ADGRG4: variants seen among roughly 807,000 people sequenced by gnomAD.
The protein encoded by ADGRG4 is G protein-coupled receptor 112.
Under a neutral mutation model 126.2 loss-of-function variants are expected in ADGRG4, and 122 were observed. The observed-to-expected ratio is 0.97, with a 90% CI of 0.83 to 1.12. The LOEUF (loss-of-function observed/expected upper bound fraction) is 1.12. ADGRG4 is among the 50% of genes most tolerant of loss of function. ADGRG4 has a pLI of 0.00. For missense variants in ADGRG4, 2,481 were observed against 2,251.8 expected (o/e 1.10, Z -2.06); for synonymous variants, 943 against 838.7 (o/e 1.12, Z -2.15).
chrX:136,407,203 C>T (rs1410885406), intron 23 of ADGRG4, among the ~76,000 whole-genome samples: 1 of 110,714 alleles, frequency 9.0e-6, no homozygotes, highest in Non-Finnish European at 1.9e-5. Context: ...CATACTGAAG[C>T]CCACTGATGG....
rs151055456 is a variant in ADGRG4, at chrX:136,403,675, C to T, written c.8654+353C>T. ...GCAGGTATTATGATTACAAAGCTCA[C>T]ACATCAGGTCATTGCAAAGAGTTAG... On this transcript the variant is annotated intron_variant, in intron 22 of 25. Coordinates refer to ENST00000394143, the MANE Select transcript of ADGRG4 (RefSeq NM_153834.4). Among the ~76,000 whole-genome samples, 84 of 112,391 alleles carry T rather than the reference C, an allele frequency of 7.5e-4. 3 individuals carry two copies. In the East Asian group the frequency reaches 0.021, roughly 28 times the overall value.
In ADGRG4 at chrX:136,349,884, C is replaced by G; in HGVS notation, c.6178C>G (p.Pro2060Ala). The G allele has an allele frequency of 8.3e-7, 1 of 1,210,358 alleles. No individual in the cohort carries two copies. Among genetic ancestry groups the G allele is most frequent in the Non-Finnish European group, 1.1e-6 (1 of 894,390 alleles). The change falls in exon 6 of 26, where the codon CCC becomes GCC. Residue 2060 changes from proline to alanine, a missense_variant. Physicochemically the swap from Pro to Ala is conservative, Grantham distance 27. Coordinates refer to ENST00000394143, the MANE Select transcript of ADGRG4 (RefSeq NM_153834.4). ...AHPFTNLTTL[P>A]SATMSTILTR... ...CCCATTCACTAACTTGACAACACTA[C>G]CCTCTGCTACTATGAGCACCATACT...
intron 15 of ADGRG4, among the ~76,000 whole-genome samples, chrX:136,379,990 T>A (rs181761052): frequency 8.9e-6 from 1 of 111,946 alleles, no homozygotes; most frequent in Admixed American, 9.5e-5. Flanking sequence ...TTGTATGTAT[T>A]TACCACACTT....
chrX:136,320,875 T>A lies in ADGRG4; in HGVS notation c.71-1903T>A, dbSNP rs1205054734. The stretch of plus-strand genomic sequence containing the variant: ...TCAAGGCTGCAGTGAACCATGTTCA[T>A]GCCACTGCACTCCAACCTGGGCAAG... On this transcript the variant is annotated intron_variant, in intron 4 of 25. Coordinates refer to ENST00000394143, the MANE Select transcript of ADGRG4 (RefSeq NM_153834.4). Among the ~76,000 whole-genome samples, 2 of 111,447 alleles carry A rather than the reference T, an allele frequency of 1.8e-5. 1 individual carries two copies. The highest frequency in any genetic ancestry group is 8.5e-3 in the Middle Eastern group (2 of 236).
chrX:136,347,975 A>C lies in ADGRG4; in HGVS notation c.4269A>C (p.Ser1423=). Reference sequence around the variant, plus strand: ...TTGTAGATACCACAACTTCCAGCTCAACAAGGATATCAAATCCTATGGACA... The same window carrying C: ...TTGTAGATACCACAACTTCCAGCTCCACAAGGATATCAAATCCTATGGACA... ...TSFVDTTTSS[S]TRISNPMDIN... The change falls in exon 6 of 26, where the codon TCA becomes TCC. Residue 1423 remains serine, a synonymous_variant. Transcript: ENST00000394143. 1 of 1,210,099 alleles carries C rather than the reference A, an allele frequency of 8.3e-7. No homozygotes were observed. The highest frequency in any genetic ancestry group is 1.1e-6 in the Non-Finnish European group (1 of 893,938).
intron 22 of ADGRG4, among the ~76,000 whole-genome samples, chrX:136,404,000 T>C (rs2075392559): frequency 1.8e-5 from 2 of 111,212 alleles, no homozygotes; most frequent in South Asian, 7.6e-4. Context: ...AATCTCATTT[T>C]ACACTTCTGA....
At chrX:136,385,057 A>G (rs142990655) in intron 15 of ADGRG4, among the ~76,000 whole-genome samples, 110 of 111,125 alleles carry the variant, frequency 9.9e-4, no homozygotes, top group African/African-American at 3.5e-3. Flanking sequence ...AATTACTTGT[A>G]TGTAAGATCT....
chrX:136,380,670 T>TTCTTCC (rs1569333083), intron 15 of ADGRG4, among the ~76,000 whole-genome samples: 28 of 62,362 alleles, frequency 4.5e-4, no homozygotes, highest in African/African-American at 1.5e-3. Flanking sequence ...CCTCCTCCTC[T>TTCTTCC]TCCTCCTCCT....
chrX:136,410,969 T>C (rs1298832547), intron 23 of ADGRG4, among the ~76,000 whole-genome samples: 1 of 112,220 alleles, frequency 8.9e-6, no homozygotes, highest in Non-Finnish European at 1.9e-5. Flanking sequence ...GGAACATAAA[T>C]ATAAGTCAGG....
chrX:136,404,854 C>T (rs1305143415), intron 22 of ADGRG4, among the ~76,000 whole-genome samples: 1 of 111,892 alleles, frequency 8.9e-6, no homozygotes, highest in Non-Finnish European at 1.9e-5. Context: ...CACAAACTCA[C>T]ACATATGTGT....
Position 136,392,268 on chromosome X carries a change from G to A in ADGRG4, c.7948G>A (p.Val2650Met). The part of the protein sequence containing the change: ...NVTKALTTYV[V>M]SASISDDMFI... ...CACTAAAGCATTAACCACCTATGTT[G>A]TGAGTGCCAGCATTTCAGATGATAT... The change falls in exon 17 of 26, where the codon GTG becomes ATG. Residue 2650 changes from valine (V) to methionine (M), a missense_variant. Val to Met is a conservative substitution (Grantham distance 21). Coordinates refer to ENST00000394143, the MANE Select transcript of ADGRG4 (RefSeq NM_153834.4). The A allele has an allele frequency of 8.7e-7, 1 of 1,147,036 alleles. No homozygotes were observed. The highest frequency in any genetic ancestry group is 1.2e-6 in the Non-Finnish European group (1 of 864,090). 94.5% of individuals were successfully genotyped at this position (1,147,036 alleles called of 1,213,427 possible). A position where few individuals can be genotyped will look rare whatever the true frequency, so the allele number is the denominator to read the frequency against.
At chrX:136,372,185 C>T (rs1437330571) in intron 14 of ADGRG4, among the ~76,000 whole-genome samples, 1 of 111,645 alleles carries the variant, frequency 9.0e-6, no homozygotes, top group Admixed American at 9.5e-5. Flanking sequence ...TGTATCCAAC[C>T]AGTGCTAAAG....
intron 25 of ADGRG4, 46 bp downstream of exon 25, chrX:136,414,373 T>G (rs1202668012): frequency 9.5e-7 from 1 of 1,052,049 alleles, no homozygotes; most frequent in Non-Finnish European, 1.3e-6. Context: ...TCCAGAGATA[T>G]TGAATTAATG....
At chrX:136,321,539 G>A (rs996617283) in intron 4 of ADGRG4, among the ~76,000 whole-genome samples, 33 of 111,837 alleles carry the variant, frequency 3.0e-4, no homozygotes, top group African/African-American at 1.0e-3. Flanking sequence ...TGGTCCCAAC[G>A]TTACAACTGT....
intron 15 of ADGRG4, among the ~76,000 whole-genome samples, chrX:136,387,130 T>A (rs5975725): frequency 0.064 from 7,108 of 111,394 alleles, 505 homozygotes; most frequent in African/African-American, 0.2. Context: ...CCTAAACATA[T>A]CCCATTGTGC....
rs1414795568 is a variant in ADGRG4, at chrX:136,402,869, A to G, written c.8576-375A>G. On this transcript the variant is annotated intron_variant, in intron 21 of 25. Transcript: ENST00000394143. ...GTGACCTAGACAAAAAGCTATTGGGAACAAAGGGGCGATGTGAAAGGGAGT... is the reference window on the plus strand; with the variant it reads ...GTGACCTAGACAAAAAGCTATTGGGGACAAAGGGGCGATGTGAAAGGGAGT... Among the ~76,000 whole-genome samples, 8 of 111,889 alleles carry G rather than the reference A, an allele frequency of 7.1e-5. No individual in the cohort carries two copies. The Admixed American group carries it at 7.6e-4, about 11-fold the overall frequency.
At chrX:136,339,284 G>T (rs1048977776) in intron 5 of ADGRG4, among the ~76,000 whole-genome samples, 1 of 111,535 alleles carries the variant, frequency 9.0e-6, no homozygotes, top group East Asian at 2.8e-4. Flanking sequence ...GCTATTACTG[G>T]CTCCCTTTTT....
chrX:136,413,771 G>A (rs1463971879), intron 24 of ADGRG4, among the ~76,000 whole-genome samples: 3 of 103,358 alleles, frequency 2.9e-5, no homozygotes, highest in East Asian at 3.0e-4. Flanking sequence ...ACAGAGTCTC[G>A]CTCTTGTTGC....
Position 136,336,067 on chromosome X carries a change from A to T in ADGRG4, c.686-8325A>T, listed in dbSNP as rs192937161. Among the ~76,000 whole-genome samples the T allele has an allele frequency of 8.9e-5, 10 of 111,954 alleles. No homozygotes were observed. In the East Asian group the frequency reaches 2.5e-3, roughly 28 times the overall value. On this transcript the variant is annotated intron_variant, in intron 5 of 25. Transcript: ENST00000394143. ...AATTTTTAAAATTAAATTTAATTTGATTAAAATAGTTTTATTTAATTCAAT... is the reference window on the plus strand; with the variant it reads ...AATTTTTAAAATTAAATTTAATTTGTTTAAAATAGTTTTATTTAATTCAAT...
Sources: gnomAD v4.1 joint callset for allele counts (sites outside exome capture counted in the v4.1 genomes callset) on GRCh38, gnomAD v4.1.1 for gene constraint, MANE v1.5 for transcripts, NCBI Gene and HGNC (gene_info 2026-07-23, HGNC 2026-07-21) for gene names.